ABCG8: variants seen among roughly 807,000 people sequenced by gnomAD.
ABCG8 encodes the protein ATP binding cassette subfamily G member 8.
ABCG8 carries 81 observed loss-of-function variants against 71.3 expected under a neutral mutation model. The observed-to-expected ratio is 1.14, with a 90% CI of 0.95 to 1.37. The LOEUF is 1.37. Ranked by LOEUF, ABCG8 falls within the 40% of genes most tolerant of loss-of-function variation. ABCG8 has a pLI of 0.00. For missense variants in ABCG8, 1,119 were observed against 866.2 expected (o/e 1.29, Z -3.66); for synonymous variants, 451 against 354.7 (o/e 1.27, Z -3.05).
At position 43,873,869 on chromosome 2, in the gene ABCG8, G is replaced by T. The variant is rs374361804; in HGVS notation, c.1294G>T (p.Gly432Cys). The stretch of plus-strand genomic sequence containing the variant: ...GGCCTGTCTGATGTCAATGACCATC[G>T]GCTTCCTCTATTTTGGCCATGGGAG... ...AEACLMSMTIGFLYFGHGSIQ... is the reference protein window; with the variant it reads ...AEACLMSMTICFLYFGHGSIQ... Residue 432 changes from glycine to cysteine, a missense_variant, in exon 9 of 13, where the codon GGC becomes TGC. Physicochemically the swap from Gly to Cys is radical, Grantham distance 159. Transcript: ENST00000272286. 6.2e-7 allele frequency: 1 copy of T among 1,613,856 alleles called. No individual in the cohort carries two copies. Among genetic ancestry groups the T allele is most frequent in the African/African-American group, 1.3e-5 (1 of 74,920 alleles).
chr2:43,879,181 G>T lies in ABCG8; in HGVS notation c.*1268G>T, dbSNP rs1351401276. The T allele has an allele frequency of 6.6e-6, 1 of 152,510 alleles. No individual in the cohort carries two copies. The highest frequency in any genetic ancestry group is 1.5e-5 in the Non-Finnish European group (1 of 68,278). 9.4% of individuals were successfully genotyped at this position (152,510 alleles called of 1,614,324 possible). On this transcript the variant is annotated 3_prime_UTR_variant, in exon 13 of 13. Coordinates refer to ENST00000272286, the MANE Select transcript of ABCG8 (RefSeq NM_022437.3). ...TTCACAGTGGCCAGAGGATGGGGAG[G>T]CAGAGGCCCAGGTTGCACACTTCTT...
intron 10 of ABCG8, 22 bp from the exon 11 acceptor site, chr2:43,875,124 T>C (rs554757808): frequency 6.2e-7 from 1 of 1,614,160 alleles, no homozygotes; most frequent in Non-Finnish European, 8.5e-7. Flanking sequence ...CTTCATATCC[T>C]TGCAAGGGCT....
chr2:43,874,088 A>T, intron 9 of ABCG8, 102 bp downstream of exon 9: 1 of 1,222,482 alleles, frequency 8.2e-7, no homozygotes, highest in Non-Finnish European at 1.2e-6. Flanking sequence ...TGTGATTGTG[A>T]TATATAAGAC....
rs1489630383 is a variant in ABCG8, at chr2:43,881,987, A to T, written c.*4074A>T. 1 of 152,222 alleles carries T rather than the reference A, an allele frequency of 6.6e-6. No homozygotes were observed. The highest frequency in any genetic ancestry group is 1.5e-5 in the Non-Finnish European group (1 of 68,042). The allele number at this position is 152,222 out of a possible 1,614,324, so 9.4% of individuals were successfully genotyped here. A position where few individuals can be genotyped will look rare whatever the true frequency, so the allele number is the denominator to read the frequency against. Reference sequence around the variant, plus strand: ...GTCTTCTAAGAAAGTATTATTTACAAAAACAGGCAGGTTGCTAGATTTGAC... The same window carrying T: ...GTCTTCTAAGAAAGTATTATTTACATAAACAGGCAGGTTGCTAGATTTGAC... On this transcript the variant is annotated 3_prime_UTR_variant, in exon 13 of 13. Coordinates refer to ENST00000272286, the MANE Select transcript of ABCG8 (RefSeq NM_022437.3).
Position 43,881,852 on chromosome 2 carries a change from G to A in ABCG8, c.*3939G>A, listed in dbSNP as rs550418998. Reference sequence around the variant, plus strand: ...AAGTTTTCCTGTTAAGAGTCAGATAGTAAATATTTGGGACTTCGTGGGCCT... The same window carrying A: ...AAGTTTTCCTGTTAAGAGTCAGATAATAAATATTTGGGACTTCGTGGGCCT... On this transcript the variant is annotated 3_prime_UTR_variant, in exon 13 of 13. Coordinates refer to ENST00000272286, the MANE Select transcript of ABCG8 (RefSeq NM_022437.3). 1 of 152,204 alleles carries A rather than the reference G, an allele frequency of 6.6e-6. No individual in the cohort carries two copies. The highest frequency in any genetic ancestry group is 1.5e-5 in the Non-Finnish European group (1 of 68,044). The allele number at this position is 152,204 out of a possible 1,614,324, so 9.4% of individuals were successfully genotyped here.
chr2:43,875,527 C>T lies in ABCG8; in HGVS notation c.1756+114C>T, dbSNP rs1241549494. 1.4e-5 allele frequency: 19 copies of T among 1,378,712 alleles called. No homozygotes were observed. In the East Asian group the frequency reaches 1.7e-4, roughly 12 times the overall value. 85.4% of individuals were successfully genotyped at this position (1,378,712 alleles called of 1,614,324 possible). ...CACTTAGATCCAACTCGAGGCTGGCCCTTCTGGAAGCAGAGGCCTTTGCCC... is the reference window on the plus strand; with the variant it reads ...CACTTAGATCCAACTCGAGGCTGGCTCTTCTGGAAGCAGAGGCCTTTGCCC... On this transcript the variant is annotated intron_variant, in intron 11 of 12. Transcript: ENST00000272286.
chr2:43,861,014 T>A (rs72796784), intron 6 of ABCG8, among the ~76,000 whole-genome samples: 7,759 of 148,246 alleles, frequency 0.052, 246 homozygotes, highest in Middle Eastern at 0.11. Flanking sequence ...CACCATCTGG[T>A]TAGAATTATC....
At chr2:43,868,535 A>G (rs1306558303) in intron 6 of ABCG8, among the ~76,000 whole-genome samples, 1 of 151,978 alleles carries the variant, frequency 6.6e-6, no homozygotes, top group Non-Finnish European at 1.5e-5. Context: ...TAGAATATTC[A>G]CTATCTGTCT....
chr2:43,877,662 C>T lies in ABCG8; in HGVS notation c.1858C>T (p.Leu620Phe), dbSNP rs746858868. 1.6e-5 allele frequency: 26 copies of T among 1,614,132 alleles called. No individual in the cohort carries two copies. The East Asian group carries it at 5.3e-4, about 33-fold the overall frequency. Residue 620 changes from leucine to phenylalanine, a missense_variant, in exon 12 of 13, where the codon CTC becomes TTC. Coordinates refer to ENST00000272286, the MANE Select transcript of ABCG8 (RefSeq NM_022437.3). The stretch of plus-strand genomic sequence containing the variant: ...AACTTATAAAATGCCTCTCGGGAAC[C>T]TCACCATCGCGGTCTCAGGAGATAA... ...RRTYKMPLGN[L>F]TIAVSGDKIL... is the part of the protein sequence containing the mutation.
rs781613870 is a variant in ABCG8, at chr2:43,875,322, C to G, written c.1665C>G (p.Thr555=). ...TGGCCGCCGCGGCCCTGCTCCCCACCTTCCACATGGCCTCCTTCTTCAGCA... is the reference window on the plus strand; with the variant it reads ...TGGCCGCCGCGGCCCTGCTCCCCACGTTCCACATGGCCTCCTTCTTCAGCA... ...MALAAAALLP[T]FHMASFFSNA... Residue 555 remains threonine (T), a synonymous_variant, in exon 11 of 13, where the codon ACC becomes ACG. Transcript: ENST00000272286. 32 of 1,614,082 alleles carry G rather than the reference C, an allele frequency of 2.0e-5. No homozygotes were observed. Among genetic ancestry groups the G allele is most frequent in the Non-Finnish European group, 2.5e-5 (30 of 1,180,058 alleles).
intron 6 of ABCG8, among the ~76,000 whole-genome samples, chr2:43,858,190 C>T (rs2104927345): frequency 6.6e-6 from 1 of 151,656 alleles, no homozygotes; most frequent in South Asian, 2.1e-4. Context: ...GGACAGAACT[C>T]TCACTATCTG....
intron 5 of ABCG8, 46 bp downstream of exon 5, chr2:43,852,532 C>G (rs9282572): frequency 6.2e-7 from 1 of 1,613,736 alleles, no homozygotes; most frequent in Non-Finnish European, 8.5e-7. Flanking sequence ...CTGTGCGGTC[C>G]CCTCAGGCTT....
Position 43,877,861 on chromosome 2 carries a change from T to TGTA in ABCG8, c.1971_1973dup (p.Leu657_Tyr658insTer). The TGTA allele has an allele frequency of 3.7e-6, 6 of 1,614,146 alleles. No homozygotes were observed. Among genetic ancestry groups the TGTA allele is most frequent in the Non-Finnish European group, 5.1e-6 (6 of 1,180,032 alleles). ...GGCCTCAGCGGTGGCTTCATGGTCCTGTACTACGTGTCCTTAAGGTTCATC... is the reference window on the plus strand; with the variant it reads ...GGCCTCAGCGGTGGCTTCATGGTCCTGTAGTACTACGTGTCCTTAAGGTTCATC... On this transcript the variant is annotated stop_gained and inframe_insertion, in exon 13 of 13. Transcript: ENST00000272286. LOFTEE classifies it high-confidence loss of function.
chr2:43,872,799 G>C (rs569615133), intron 8 of ABCG8, among the ~76,000 whole-genome samples: 1 of 152,294 alleles, frequency 6.6e-6, no homozygotes, highest in East Asian at 1.9e-4. Context: ...GCAAAATTAA[G>C]ATATCCTCAC....
chr2:43,851,887 T>C, intron 4 of ABCG8, 65 bp downstream of exon 4: 4 of 1,551,708 alleles, frequency 2.6e-6, no homozygotes, highest in Non-Finnish European at 3.5e-6. Flanking sequence ...GCCCCGCTCC[T>C]CCCCTGCTGC....
In ABCG8 at chr2:43,875,024, C is replaced by A; in HGVS notation, c.1489-122C>A. The A allele has an allele frequency of 4.3e-6, 6 of 1,401,286 alleles. No individual in the cohort carries two copies. In the Admixed American group the frequency reaches 5.7e-5, roughly 13 times the overall value. 86.8% of individuals were successfully genotyped at this position (1,401,286 alleles called of 1,614,324 possible). A position where few individuals can be genotyped will look rare whatever the true frequency, so the allele number is the denominator to read the frequency against. ...TCCTGGGTCCCAGCACACCCTCCTG[C>A]CACAGCCTCATCATCACCAGGAGGG... is the stretch of plus-strand genomic sequence containing the variant. On this transcript the variant is annotated intron_variant, in intron 10 of 12. Transcript: ENST00000272286.
chr2:43,843,358 T>A (rs549540094), intron 1 of ABCG8, among the ~76,000 whole-genome samples: 3 of 152,314 alleles, frequency 2.0e-5, no homozygotes, highest in African/African-American at 7.2e-5. Context: ...AGTGTACTTG[T>A]TCCTGCCTGA....
At chr2:43,865,346 C>G (rs1382753037) in intron 6 of ABCG8, among the ~76,000 whole-genome samples, 1 of 137,564 alleles carries the variant, frequency 7.3e-6, no homozygotes, top group Non-Finnish European at 1.6e-5. Flanking sequence ...AATTCTCACC[C>G]TCTGGATAGA....
At chr2:43,855,804 G>A (rs1168784683) in intron 6 of ABCG8, among the ~76,000 whole-genome samples, 13 of 151,342 alleles carry the variant, frequency 8.6e-5, no homozygotes, top group Non-Finnish European at 1.9e-4. Context: ...CTATCTATCT[G>A]GATGGGATTC....
Sources: allele counts gnomAD v4.1 joint callset (sites outside exome capture counted in the v4.1 genomes callset), GRCh38; gene constraint gnomAD v4.1.1; transcripts MANE v1.5; gene names NCBI Gene and HGNC (gene_info 2026-07-23, HGNC 2026-07-21).